Variants in RYR2 observed in about 807,000 individuals in gnomAD.
The protein encoded by RYR2 is ryanodine receptor 2, also known as cardiac muscle ryanodine receptor-calcium release channel.
Under a neutral mutation model 601.1 loss-of-function variants are expected in RYR2, and 227 were observed. That is an observed-to-expected ratio of 0.38 (90% CI 0.34 to 0.42). The LOEUF is 0.42. RYR2 is among the 10% of genes least tolerant of loss of function. RYR2 has a pLI of 1.00. For synonymous variants in RYR2, 2,223 were observed against 2,175.1 expected (o/e 1.02, Z -0.61); for missense variants, 4,646 against 6,156.5 (o/e 0.75, Z 8.21).
Position 237,621,567 on chromosome 1 carries a change from T to C in RYR2, c.5917-2198T>C, listed in dbSNP as rs369436967. Among the ~76,000 whole-genome samples the C allele has an allele frequency of 8.5e-5, 13 of 152,302 alleles. No homozygotes were observed. The South Asian group carries it at 2.1e-3, about 24-fold the overall frequency. ...CCCATACCAGGAATGAAACTACTTATCATGGCACACCCTGCTGACGTCAGG... is the reference window on the plus strand; with the variant it reads ...CCCATACCAGGAATGAAACTACTTACCATGGCACACCCTGCTGACGTCAGG... On this transcript the variant is annotated intron_variant, in intron 38 of 104. Transcript: ENST00000366574.
chr1:237,190,704 A>G (rs1679881724), intron 1 of RYR2, among the ~76,000 whole-genome samples: 1 of 152,258 alleles, frequency 6.6e-6, no homozygotes, highest in Admixed American at 6.5e-5. Context: ...TTTAAAGTAT[A>G]CAGGAGAATG....
intron 17 of RYR2, among the ~76,000 whole-genome samples, chr1:237,490,506 T>G (rs2150406857): frequency 6.6e-6 from 1 of 152,338 alleles, no homozygotes; most frequent in South Asian, 2.1e-4. Flanking sequence ...TTTCTACGTT[T>G]TTAGTAATAG....
At chr1:237,691,009 CT>C (rs756816296) in intron 63 of RYR2, among the ~76,000 whole-genome samples, 19 of 152,122 alleles carry the variant, frequency 1.2e-4, no homozygotes, top group Non-Finnish European at 2.5e-4. Context: ...TTAATCTATT[CT>C]TTTTCAGTCT....
At chr1:237,520,096 G>A (rs1220836491) in intron 24 of RYR2, among the ~76,000 whole-genome samples, 1 of 152,060 alleles carries the variant, frequency 6.6e-6, no homozygotes, top group Non-Finnish European at 1.5e-5. Context: ...TCCTTGATTT[G>A]TTTCTTAGTT....
chr1:237,502,102 A>C (rs1664701416), intron 21 of RYR2, among the ~76,000 whole-genome samples: 1 of 152,164 alleles, frequency 6.6e-6, no homozygotes, highest in Non-Finnish European at 1.5e-5. Context: ...AGGCTGTAGT[A>C]ACCTGTGACT....
At chr1:237,676,830 CA>C (rs1258814322) in intron 60 of RYR2, among the ~76,000 whole-genome samples, 1 of 152,044 alleles carries the variant, frequency 6.6e-6, no homozygotes, top group Non-Finnish European at 1.5e-5. Flanking sequence ...TGCACAGAAG[CA>C]TTTTTTTTAA....
rs1028030704 is a variant in RYR2, at chr1:237,778,152, G to A, written c.11776-514G>A. On this transcript the variant is annotated intron_variant, in intron 87 of 104. Coordinates refer to ENST00000366574, the MANE Select transcript of RYR2 (RefSeq NM_001035.3). ...AGCAAGTATTACTCTTTTAAAACACGTCATTGGTTGTACCATTTGTAAAAT... is the reference window on the plus strand; with the variant it reads ...AGCAAGTATTACTCTTTTAAAACACATCATTGGTTGTACCATTTGTAAAAT... 1.1e-4 allele frequency among the ~76,000 whole-genome samples: 17 copies of A among 152,154 alleles called. No homozygotes were observed. In the East Asian group the frequency reaches 3.1e-3, roughly 28 times the overall value.
chr1:237,758,966 T>C (rs996969154), intron 82 of RYR2, among the ~76,000 whole-genome samples: 9 of 152,304 alleles, frequency 5.9e-5, no homozygotes, highest in Middle Eastern at 3.4e-3. Context: ...AAGGAGAACA[T>C]TTTAATAGCC....
chr1:237,359,416 C>T (rs754420846), intron 4 of RYR2, among the ~76,000 whole-genome samples: 2 of 152,150 alleles, frequency 1.3e-5, no homozygotes, highest in East Asian at 1.9e-4. Context: ...AAATCCCCTT[C>T]GGAGACTGGT....
intron 41 of RYR2, among the ~76,000 whole-genome samples, chr1:237,630,181 G>A (rs2148677414): frequency 6.6e-6 from 1 of 152,192 alleles, no homozygotes; most frequent in Admixed American, 6.5e-5. Context: ...AAAGCAAAAT[G>A]CTTCTTTTTG....
intron 1 of RYR2, among the ~76,000 whole-genome samples, chr1:237,126,991 C>T (rs1038145601): frequency 2.0e-5 from 3 of 151,872 alleles, no homozygotes; most frequent in Non-Finnish European, 2.9e-5. Context: ...TGACTCTTAA[C>T]GAGCATGCTG....
chr1:237,653,662 G>A (rs1052880798), intron 51 of RYR2, among the ~76,000 whole-genome samples: 8 of 152,176 alleles, frequency 5.3e-5, no homozygotes, highest in African/African-American at 1.9e-4. Flanking sequence ...CGATCACCGG[G>A]TGAAGTCCCA....
chr1:237,618,776 G>A (rs1432586256), intron 38 of RYR2, among the ~76,000 whole-genome samples: 1 of 152,182 alleles, frequency 6.6e-6, no homozygotes, highest in Non-Finnish European at 1.5e-5. Flanking sequence ...GTAACAAGGT[G>A]TCCCAGTAGA....
chr1:237,792,468 CTT>C (rs1658568371), intron 94 of RYR2, 145 bp downstream of exon 94: 2 of 571,660 alleles, frequency 3.5e-6, no homozygotes, highest in Non-Finnish European at 6.0e-6. Context: ...GAGCTGGAAA[CTT>C]TGTGCACAAA....
intron 34 of RYR2, among the ~76,000 whole-genome samples, chr1:237,595,942 A>G (rs1396170747): frequency 3.9e-5 from 6 of 152,132 alleles, no homozygotes. Flanking sequence ...TGCTGCTGAC[A>G]TAAATTACAG....
At chr1:237,063,159 G>A (rs1249878637) in intron 1 of RYR2, among the ~76,000 whole-genome samples, 2 of 152,096 alleles carry the variant, frequency 1.3e-5, no homozygotes, top group Admixed American at 6.5e-5. Context: ...GACACAATGA[G>A]AAAACAGCAG....
At chr1:237,233,497 C>T (rs545479515) in intron 1 of RYR2, among the ~76,000 whole-genome samples, 5 of 151,704 alleles carry the variant, frequency 3.3e-5, no homozygotes, top group African/African-American at 7.3e-5. Flanking sequence ...TATATTAGTT[C>T]TTGATGGACC....
chr1:237,045,771 T>C (rs557281878), intron 1 of RYR2, among the ~76,000 whole-genome samples: 1,555 of 128,564 alleles, frequency 0.012, 31 homozygotes, highest in African/African-American at 0.038. Context: ...TTCGTTATGG[T>C]CCTCTTTTTT....
intron 63 of RYR2, among the ~76,000 whole-genome samples, chr1:237,692,587 C>G (rs1454342426): frequency 1.3e-5 from 2 of 152,138 alleles, no homozygotes; most frequent in African/African-American, 4.8e-5. Context: ...GCTTCTTCAG[C>G]TTCCTTGGCC....
Sources: gnomAD v4.1 joint callset for allele counts (sites outside exome capture counted in the v4.1 genomes callset) on GRCh38, gnomAD v4.1.1 for gene constraint, MANE v1.5 for transcripts, NCBI Gene and HGNC (gene_info 2026-07-23, HGNC 2026-07-21) for gene names.